IAH1: variants seen among roughly 807,000 people sequenced by gnomAD.
The protein encoded by IAH1 is isoamyl acetate-hydrolyzing esterase 1 homolog.
A neutral mutation model predicts 26.7 loss-of-function variants in IAH1; 24 were observed. The observed-to-expected ratio is 0.90, with a 90% confidence interval of 0.65 to 1.26. The LOEUF (loss-of-function observed/expected upper bound fraction) is 1.26, where lower values mean the gene tolerates loss of function less well. Ranked by LOEUF, IAH1 falls within the 50% of genes most tolerant of loss-of-function variation. The probability of loss-of-function intolerance (pLI) is 0.00; values close to 1 mark genes in which losing one functional copy is unlikely to be tolerated. For synonymous variants in IAH1, 140 were observed against 118.5 expected (o/e 1.18, Z -1.18); for missense variants, 300 against 299.9 (o/e 1.00, Z 0.00).
At chr2:9,491,195 C>A (rs1558490863), downstream of IAH1, 1 of 1,565,104 alleles carries the variant, frequency 6.4e-7, no homozygotes, top group East Asian at 2.2e-5. Flanking sequence ...AAATACAATT[C>A]AGTTAGTGAG....
At chr2:9,493,838 A>AACAT (rs1662349744), downstream of IAH1, 1 of 1,606,328 alleles carries the variant, frequency 6.2e-7, no homozygotes. Flanking sequence ...ATGAAGAAAA[A>AACAT]ACATACATAC....
downstream of IAH1, chr2:9,490,618 G>T: frequency 8.1e-7 from 1 of 1,239,030 alleles, no homozygotes; most frequent in Non-Finnish European, 1.1e-6. Context: ...TATTCTGTTG[G>T]CACTGTGATG....
downstream of IAH1, chr2:9,491,163 C>A: frequency 6.2e-7 from 1 of 1,610,934 alleles, no homozygotes; most frequent in Non-Finnish European, 8.5e-7. Context: ...TAGAAAGAAA[C>A]AGCAAGAAGG....
upstream of IAH1, among the ~76,000 whole-genome samples, chr2:9,474,215 G>A (rs116673436): frequency 0.068 from 10,399 of 152,014 alleles, 1,205 homozygotes; most frequent in African/African-American, 0.24. The surrounding 1 kb of genome is among the most constrained non-coding windows in gnomAD (Gnocchi z 4.3). Flanking sequence ...CCGCCCCACC[G>A]AGAGCCAGCT....
At chr2:9,505,023 G>A in the IAH1 span, 30 of 929,208 alleles carry the variant, frequency 3.2e-5, no homozygotes, top group Non-Finnish European at 4.7e-5. Context: ...ATTTCTTGCT[G>A]TGAAGGGCAA....
At chr2:9,495,711 C>A (rs865840724) in intron 6 of IAH1, among the ~76,000 whole-genome samples, 19 of 140,418 alleles carry the variant, frequency 1.4e-4, no homozygotes, top group Admixed American at 1.4e-4. Flanking sequence ...GACTCCATCT[C>A]AAAAAAAAAA....
intron 2 of IAH1, 122 bp from the exon 3 acceptor site, chr2:9,478,100 G>A (rs905750632): frequency 1.8e-5 from 14 of 771,368 alleles, no homozygotes; most frequent in Non-Finnish European, 2.8e-5. Flanking sequence ...GAAACCTGGG[G>A]GTGGCTCAGA....
rs190982967 is a variant in IAH1 at position 9,482,967 on chromosome 2, C to T, written c.446-1465C>T. ...CCTGGAGACAACTTCAGAGCCCCAG[C>T]TTGCTTCTGGGCCTGCAGCCCTAAC... On this transcript the variant is annotated intron_variant, in intron 4 of 5. Transcript: ENST00000497473. Among the ~76,000 whole-genome samples, 5 of 152,350 alleles carry T rather than the reference C, an allele frequency of 3.3e-5. No individual in the cohort carries two copies. In the East Asian group the frequency reaches 9.6e-4, roughly 29 times the overall value.
At chr2:9,506,630 C>T in the IAH1 span, among the ~76,000 whole-genome samples, 6 of 152,084 alleles carry the variant, frequency 3.9e-5, no homozygotes, top group African/African-American at 1.2e-4. Flanking sequence ...CTCCAAAGTG[C>T]TGGGATTACA....
chr2:9,478,367 A>G lies in IAH1; in HGVS notation c.280A>G (p.Lys94Glu). 1 of 1,594,832 alleles carries G rather than the reference A, an allele frequency of 6.3e-7. No individual in the cohort carries two copies. Residue 94 changes from lysine (K) to glutamate (E), a missense_variant, in exon 3 of 6, where the codon AAA becomes GAA. Coordinates refer to ENST00000497473, the MANE Select transcript of IAH1 (RefSeq NM_001039613.3). ...CTTTGGGGCCAATGACAGTGCACTAAAAGGTAAAAGCATTTTTGATGTTCT... is the reference window on the plus strand; with the variant it reads ...CTTTGGGGCCAATGACAGTGCACTAGAAGGTAAAAGCATTTTTGATGTTCT... ...IFFGANDSAL[K>E]DENPKQHIPL... is the part of the protein sequence containing the mutation.
At chr2:9,491,998 A>T (rs1372344566), downstream of IAH1, among the ~76,000 whole-genome samples, 1 of 152,234 alleles carries the variant, frequency 6.6e-6, no homozygotes, top group African/African-American at 2.4e-5. Flanking sequence ...TTTCTTCAGC[A>T]CAAGTGCTCC....
chr2:9,490,073 C>CTAAG, downstream of IAH1: 2 of 1,116,568 alleles, frequency 1.8e-6, no homozygotes, highest in Admixed American at 2.7e-5. Flanking sequence ...CCAGCATCTG[C>CTAAG]TAAGTCACTT....
At chr2:9,480,601 C>T (rs6747070) in intron 3 of IAH1, among the ~76,000 whole-genome samples, 15,010 of 152,050 alleles carry the variant, frequency 0.099, 916 homozygotes, top group African/African-American at 0.17. Context: ...ATGAAAAGAC[C>T]GGAAAGATAT....
chr2:9,476,500 G>A (rs1333677178), intron 2 of IAH1, among the ~76,000 whole-genome samples: 1 of 152,244 alleles, frequency 6.6e-6, no homozygotes. Context: ...GCGCGTCCAC[G>A]TGAAGAGACC....
At chr2:9,479,795 C>CTTTTTTTTTTTTTTTTTTTT (rs5829216) in intron 3 of IAH1, among the ~76,000 whole-genome samples, 3 of 69,870 alleles carry the variant, frequency 4.3e-5, no homozygotes, top group Admixed American at 2.4e-4. Context: ...CTGTGTATTG[C>CTTTTTTTTTTTTTTTTTTTT]TTTTTTTTTT....
At chr2:9,506,327 T>C in the IAH1 span, among the ~76,000 whole-genome samples, 1 of 148,638 alleles carries the variant, frequency 6.7e-6, no homozygotes, top group African/African-American at 2.5e-5. Flanking sequence ...ACAGAAATAC[T>C]AACTGGCTTT....
At position 9,488,410 on chromosome 2, in the gene IAH1, G is replaced by T; in HGVS notation, c.*81G>T. ...ACGTAGAGGTACGCTTTTTTCCTCA[G>T]GCTTAAACCTTTGCCACTGATATTA... On this transcript the variant is annotated 3_prime_UTR_variant, in exon 6 of 6. Coordinates refer to ENST00000497473, the MANE Select transcript of IAH1 (RefSeq NM_001039613.3). 8.9e-7 allele frequency: 1 copy of T among 1,123,854 alleles called. No individual in the cohort carries two copies. 69.6% of individuals were successfully genotyped at this position (1,123,854 alleles called of 1,614,324 possible).
At chr2:9,507,653 TAC>T in the IAH1 span, among the ~76,000 whole-genome samples, 1 of 152,150 alleles carries the variant, frequency 6.6e-6, no homozygotes, top group Non-Finnish European at 1.5e-5. Context: ...TCTTCATTGA[TAC>T]AGACTGGCAG....
chr2:9,475,020 C>G (rs1204471691), intron 1 of IAH1: 1 of 1,104,266 alleles, frequency 9.1e-7, no homozygotes, highest in East Asian at 7.5e-5. Flanking sequence ...CGACCGCGCG[C>G]TGTGTCCCAG....
Sources: gnomAD v4.1 joint callset for allele counts (sites outside exome capture counted in the v4.1 genomes callset) on GRCh38, gnomAD v4.1.1 for gene constraint, Gnocchi (gnomAD v3.1) non-coding constraint, MANE v1.5 for transcripts, NCBI Gene and HGNC (gene_info 2026-07-23, HGNC 2026-07-21) for gene names.